CTNND2: variants seen among roughly 807,000 people sequenced by gnomAD.
The protein encoded by CTNND2 is catenin delta-2.
Under a neutral mutation model 144.4 loss-of-function variants are expected in CTNND2, and 22 were observed. That is an observed-to-expected ratio of 0.15 (90% CI 0.11 to 0.22). The LOEUF (loss-of-function observed/expected upper bound fraction) is 0.22. CTNND2 is among the 10% of genes least tolerant of loss of function. The pLI is 1.00. For missense variants in CTNND2, 1,353 were observed against 1,618.8 expected, an observed-to-expected ratio of 0.84 and a Z score of 2.82; for synonymous variants, 751 against 695.6, an observed-to-expected ratio of 1.08 and a Z score of -1.25.
chr5:11,101,345 G>T (rs1751858437), intron 14 of CTNND2, among the ~76,000 whole-genome samples: 1 of 152,140 alleles, frequency 6.6e-6, no homozygotes, highest in South Asian at 2.1e-4. Context: ...ATTTTGTCTA[G>T]CTCATCAACA....
At chr5:11,480,408 C>T (rs145114670) in intron 3 of CTNND2, among the ~76,000 whole-genome samples, 14 of 152,302 alleles carry the variant, frequency 9.2e-5, no homozygotes, top group Admixed American at 9.2e-4. Flanking sequence ...AACTGTATAT[C>T]TCCTGTGTGA....
At chr5:11,620,417 T>C (rs1780774725) in intron 2 of CTNND2, among the ~76,000 whole-genome samples, 7 of 152,196 alleles carry the variant, frequency 4.6e-5, no homozygotes, top group Admixed American at 4.6e-4. Flanking sequence ...GGACAGCGCC[T>C]ACAGCCCACA....
At chr5:11,371,794 T>C (rs1393125851) in intron 7 of CTNND2, among the ~76,000 whole-genome samples, 4 of 152,348 alleles carry the variant, frequency 2.6e-5, no homozygotes, top group East Asian at 1.9e-4. Context: ...ATTTCTCATA[T>C]AGATTGAGTC....
intron 6 of CTNND2, among the ~76,000 whole-genome samples, chr5:11,387,740 T>G (rs1759234076): frequency 6.6e-6 from 1 of 152,168 alleles, no homozygotes; most frequent in Admixed American, 6.5e-5. Context: ...TATGTAACAT[T>G]AATAAAACAA....
intron 10 of CTNND2, among the ~76,000 whole-genome samples, chr5:11,218,673 T>C (rs894197477): frequency 3.9e-5 from 6 of 152,216 alleles, no homozygotes; most frequent in African/African-American, 1.4e-4. Flanking sequence ...CAAAGCCACA[T>C]GGAGCACCAC....
At chr5:11,420,317 C>T (rs555491464) in intron 3 of CTNND2, among the ~76,000 whole-genome samples, 8 of 152,068 alleles carry the variant, frequency 5.3e-5, no homozygotes, top group Non-Finnish European at 7.4e-5. Flanking sequence ...TGCAAGACTT[C>T]GTGTCAAAAA....
rs545038130 is a variant in CTNND2, at chr5:11,584,151, A to C, written c.175-19095T>G. 2.6e-5 allele frequency among the ~76,000 whole-genome samples: 4 copies of C among 152,320 alleles called. No homozygotes were observed. In the South Asian group the frequency reaches 8.3e-4, roughly 32 times the overall value. On this transcript the variant is annotated intron_variant, in intron 2 of 21. Coordinates refer to ENST00000304623, the MANE Select transcript of CTNND2 (RefSeq NM_001332.4). ...TTACCAGAAATTGGTTCAGAAGAGC[A>C]TGGGGGCTTGAAATGAACTGAGGCA...
chr5:11,157,691 C>T (rs1758353651), intron 12 of CTNND2, among the ~76,000 whole-genome samples: 1 of 152,230 alleles, frequency 6.6e-6, no homozygotes, highest in Non-Finnish European at 1.5e-5. Flanking sequence ...CACTTGCATA[C>T]TAAAATCTAA....
chr5:11,758,312 G>T (rs930116368), intron 1 of CTNND2, among the ~76,000 whole-genome samples: 1 of 151,786 alleles, frequency 6.6e-6, no homozygotes, highest in Non-Finnish European at 1.5e-5. Flanking sequence ...ATTAAATCAG[G>T]ATAGCTAACA....
intron 2 of CTNND2, among the ~76,000 whole-genome samples, chr5:11,691,446 A>C (rs2126649510): frequency 6.6e-6 from 1 of 152,072 alleles, no homozygotes; most frequent in African/African-American, 2.4e-5. Context: ...TGGCTAACAG[A>C]GCATGCAAAG....
intron 9 of CTNND2, among the ~76,000 whole-genome samples, chr5:11,260,508 C>T (rs529708533): frequency 1.1e-3 from 175 of 152,212 alleles, no homozygotes; most frequent in Non-Finnish European, 1.9e-3. Context: ...AAAAAGAGGA[C>T]AATCAATGTC....
intron 15 of CTNND2, among the ~76,000 whole-genome samples, chr5:11,085,237 C>G (rs1205765609): frequency 6.6e-6 from 1 of 152,058 alleles, no homozygotes; most frequent in Non-Finnish European, 1.5e-5. Context: ...ATTTTTGATA[C>G]GAGAAACTGG....
intron 3 of CTNND2, among the ~76,000 whole-genome samples, chr5:11,441,514 G>T (rs1764260328): frequency 6.6e-6 from 1 of 151,226 alleles, no homozygotes; most frequent in African/African-American, 2.4e-5. Flanking sequence ...GAGTAGCTGG[G>T]ATTACAGGCG....
At chr5:11,712,702 T>C (rs151238736) in intron 2 of CTNND2, among the ~76,000 whole-genome samples, 2,159 of 152,344 alleles carry the variant, frequency 0.014, 24 homozygotes, top group East Asian at 0.057. Context: ...GGATTGTTTT[T>C]GGACATTAAA....
intron 18 of CTNND2, among the ~76,000 whole-genome samples, chr5:10,996,086 G>T (rs1739312181): frequency 6.6e-6 from 1 of 152,148 alleles, no homozygotes; most frequent in South Asian, 2.1e-4. Flanking sequence ...CAGGGCTGGA[G>T]GCTGTGGCAA....
chr5:11,727,104 T>C (rs894757347), intron 2 of CTNND2, among the ~76,000 whole-genome samples: 1 of 152,168 alleles, frequency 6.6e-6, no homozygotes, highest in African/African-American at 2.4e-5. Flanking sequence ...ATGATTTGTT[T>C]CTCCTTGATT....
intron 7 of CTNND2, among the ~76,000 whole-genome samples, chr5:11,376,998 C>T (rs1161858725): frequency 6.6e-6 from 1 of 151,908 alleles, no homozygotes; most frequent in Non-Finnish European, 1.5e-5. Flanking sequence ...TCTAGAAATT[C>T]TTAACTTGGC....
intron 3 of CTNND2, among the ~76,000 whole-genome samples, chr5:11,518,564 T>C (rs1186556622): frequency 6.6e-6 from 1 of 152,220 alleles, no homozygotes; most frequent in Non-Finnish European, 1.5e-5. Flanking sequence ...CACAGACTCA[T>C]CCACAGCGAC....
chr5:11,855,770 G>T (rs542877028), intron 1 of CTNND2, among the ~76,000 whole-genome samples: 2 of 152,180 alleles, frequency 1.3e-5, no homozygotes, highest in African/African-American at 4.8e-5. Flanking sequence ...GCATTCTTAG[G>T]CCTCACCATA....
Sources: allele counts gnomAD v4.1 joint callset (sites outside exome capture counted in the v4.1 genomes callset), GRCh38; gene constraint gnomAD v4.1.1; transcripts MANE v1.5; gene names NCBI Gene and HGNC (gene_info 2026-07-23, HGNC 2026-07-21).